Variants in MYOM2 observed in about 807,000 individuals in gnomAD.
MYOM2 encodes myomesin-2.
Under a neutral mutation model 187.6 loss-of-function variants are expected in MYOM2, and 254 were observed. The observed-to-expected ratio is 1.35, with a 90% CI of 1.22 to 1.50. The LOEUF (loss-of-function observed/expected upper bound fraction) is 1.50. Among genes scored for constraint, MYOM2 ranks in the 40% most tolerant of loss-of-function variants. The probability of loss-of-function intolerance (pLI) is 0.00; values close to 1 mark genes in which losing one functional copy is unlikely to be tolerated. For missense variants in MYOM2, 2,796 were observed against 1,924.0 expected (o/e 1.45, Z -8.48); for synonymous variants, 981 against 753.8 (o/e 1.30, Z -4.94).
rs76117196 is a variant in MYOM2, at chr8:2,088,362, G to A, written c.1645-1646G>A. Reference sequence around the variant, plus strand: ...GGGTATGTTGTGTGATACTGATTTCGAGGTGCAGTTGATCTCGTCACCCAG... The same window carrying A: ...GGGTATGTTGTGTGATACTGATTTCAAGGTGCAGTTGATCTCGTCACCCAG... On this transcript the variant is annotated intron_variant, in intron 14 of 36. Coordinates refer to ENST00000262113, the MANE Select transcript of MYOM2 (RefSeq NM_003970.4). Among the ~76,000 whole-genome samples, 229 of 152,316 alleles carry A rather than the reference G, an allele frequency of 1.5e-3. 2 individuals are homozygous for A. In the East Asian group the frequency reaches 0.021, roughly 14 times the overall value.
rs756133260 is a variant in MYOM2, at chr8:2,079,599, A to T, written c.1502A>T (p.Gln501Leu). The change falls in exon 13 of 37, where the codon CAG becomes CTG. Residue 501 changes from glutamine to leucine, a missense_variant. Coordinates refer to ENST00000262113, the MANE Select transcript of MYOM2 (RefSeq NM_003970.4). The stretch of plus-strand genomic sequence containing the variant: ...GGAGAGAAGGAGATTGCCATTTATC[A>T]GGATGACCTTGAAGGTAAGTAGCAC... Reference protein sequence around the residue: ...LEGEKEIAIYQDDLEGDAQVP... With the variant: ...LEGEKEIAIYLDDLEGDAQVP... 1 of 1,614,032 alleles carries T rather than the reference A, an allele frequency of 6.2e-7. No individual in the cohort carries two copies. Among genetic ancestry groups the T allele is most frequent in the African/African-American group, 1.3e-5 (1 of 74,926 alleles).
chr8:2,131,276 G>A lies in MYOM2; in HGVS notation c.3800+2044G>A, dbSNP rs993605280. Among the ~76,000 whole-genome samples the A allele has an allele frequency of 3.3e-5, 5 of 152,280 alleles. 1 individual carries two copies. The highest frequency in any genetic ancestry group is 9.6e-5 in the African/African-American group (4 of 41,542). ...ATCCTCACAAATACCCTGTGAGTTAGGTATTTATACCCACATTTTATAGAT... is the reference window on the plus strand; with the variant it reads ...ATCCTCACAAATACCCTGTGAGTTAAGTATTTATACCCACATTTTATAGAT... On this transcript the variant is annotated intron_variant, in intron 32 of 36. Coordinates refer to ENST00000262113, the MANE Select transcript of MYOM2 (RefSeq NM_003970.4).
At position 2,145,102 on chromosome 8, in the gene MYOM2, C is replaced by A. The variant is rs1585989932; in HGVS notation, c.*121C>A. 2.8e-6 allele frequency: 3 copies of A among 1,072,834 alleles called. No homozygotes were observed. Among genetic ancestry groups the A allele is most frequent in the Non-Finnish European group, 4.0e-6 (3 of 742,404 alleles). 66.5% of individuals were successfully genotyped at this position (1,072,834 alleles called of 1,614,324 possible). Reference sequence around the variant, plus strand: ...TCCTGTGTGGGCTGATAGTTGATCACACATTGTGCTTTTGATTTTTGCATT... The same window carrying A: ...TCCTGTGTGGGCTGATAGTTGATCAAACATTGTGCTTTTGATTTTTGCATT... On this transcript the variant is annotated 3_prime_UTR_variant, in exon 37 of 37. Transcript: ENST00000262113.
chr8:2,083,813 C>G (rs1322694488), intron 13 of MYOM2, among the ~76,000 whole-genome samples: 3 of 152,226 alleles, frequency 2.0e-5, no homozygotes, highest in Non-Finnish European at 4.4e-5. Context: ...AGTCAGATGT[C>G]TTGCCCCAGC....
chr8:2,119,764 C>T (rs1157113868), intron 28 of MYOM2, among the ~76,000 whole-genome samples: 1 of 151,942 alleles, frequency 6.6e-6, no homozygotes, highest in Non-Finnish European at 1.5e-5. Flanking sequence ...GGAAGGGGAG[C>T]ACATGGGGAC....
rs115757583 is a variant in MYOM2, at chr8:2,113,141, C to G, written c.3181-2819C>G. On this transcript the variant is annotated intron_variant, in intron 25 of 36. Coordinates refer to ENST00000262113, the MANE Select transcript of MYOM2 (RefSeq NM_003970.4). ...AACGCTGGGCACGAGGAAGCCGAGG[C>G]CGGGCATCCACACTCCCGTGATTCT... Among the ~76,000 whole-genome samples, 867 of 152,328 alleles carry G rather than the reference C, an allele frequency of 5.7e-3. 12 individuals are homozygous for G. Among genetic ancestry groups the G allele is most frequent in the African/African-American group, 0.019 (799 of 41,584 alleles).
chr8:2,139,551 A>G (rs1048444536), intron 32 of MYOM2, among the ~76,000 whole-genome samples: 3 of 152,198 alleles, frequency 2.0e-5, no homozygotes, highest in East Asian at 1.9e-4. Context: ...CCGATGGAAC[A>G]TAGGCATTCT....
chr8:2,106,675 T>C, intron 23 of MYOM2, 78 bp downstream of exon 23: 1 of 1,065,154 alleles, frequency 9.4e-7, no homozygotes, highest in Non-Finnish European at 1.3e-6. Flanking sequence ...TAGAAAAGAC[T>C]TACTTGCTTA....
intron 6 of MYOM2, among the ~76,000 whole-genome samples, chr8:2,062,205 C>T (rs1563421482): frequency 6.6e-6 from 1 of 152,154 alleles, no homozygotes. Flanking sequence ...CACGGGGACC[C>T]CGTGGGCCAT....
intron 32 of MYOM2, among the ~76,000 whole-genome samples, chr8:2,138,652 T>A (rs1798165994): frequency 6.6e-6 from 1 of 152,194 alleles, no homozygotes; most frequent in Admixed American, 6.5e-5. Context: ...ACGAACTCGC[T>A]CCCACATCGG....
chr8:2,069,759 C>G (rs1341167017), intron 8 of MYOM2, among the ~76,000 whole-genome samples: 1 of 152,150 alleles, frequency 6.6e-6, no homozygotes, highest in Non-Finnish European at 1.5e-5. Flanking sequence ...TGTTAGCATG[C>G]TGACAATTTG....
At chr8:2,063,958 C>T (rs1297745225) in intron 6 of MYOM2, among the ~76,000 whole-genome samples, 4 of 152,254 alleles carry the variant, frequency 2.6e-5, no homozygotes, top group Non-Finnish European at 5.9e-5. Context: ...CAAGTTCTCA[C>T]AGCATGAAGC....
chr8:2,066,953 A>G (rs1490895616), intron 6 of MYOM2, among the ~76,000 whole-genome samples: 2 of 152,194 alleles, frequency 1.3e-5, no homozygotes, highest in Non-Finnish European at 2.9e-5. Context: ...ACGGTGAACT[A>G]GAAGATAATG....
intron 14 of MYOM2, among the ~76,000 whole-genome samples, chr8:2,088,966 G>T (rs1796192040): frequency 6.6e-6 from 1 of 152,058 alleles, no homozygotes; most frequent in Non-Finnish European, 1.5e-5. Context: ...CTCGCTTGGG[G>T]TCGCAAGGGC....
At chr8:2,079,390 A>G (rs968988714) in intron 12 of MYOM2, among the ~76,000 whole-genome samples, 170 bp from the exon 13 acceptor site, 6 of 152,014 alleles carry the variant, frequency 3.9e-5, no homozygotes, top group Admixed American at 2.6e-4. Context: ...AGAGCTGAGA[A>G]GTGCTAACTG....
intron 19 of MYOM2, among the ~76,000 whole-genome samples, chr8:2,100,208 C>G (rs1796659672): frequency 6.6e-6 from 1 of 150,478 alleles, no homozygotes; most frequent in Admixed American, 6.6e-5. Context: ...CTCCCGCCTT[C>G]TTTCCTGCCT....
Position 2,085,438 on chromosome 8 carries a change from C to A in MYOM2, c.1644+48C>A, listed in dbSNP as rs374408141. ...GGAAAAGTAGATCTCTGCATGGCCC[C>A]CCACTGTCATGATCTCTGCGTGGCC... On this transcript the variant is annotated intron_variant, in intron 14 of 36. Transcript: ENST00000262113. 34 of 1,597,976 alleles carry A rather than the reference C, an allele frequency of 2.1e-5. 1 individual carries two copies. The highest frequency in any genetic ancestry group is 1.5e-4 in the African/African-American group (11 of 74,292).
chr8:2,111,806 C>G (rs1243654609), intron 25 of MYOM2, among the ~76,000 whole-genome samples: 2 of 152,216 alleles, frequency 1.3e-5, no homozygotes, highest in African/African-American at 2.4e-5. Flanking sequence ...TCATTCATTT[C>G]TGTCACTTTC....
chr8:2,088,646 C>G (rs1343111609), intron 14 of MYOM2, among the ~76,000 whole-genome samples: 1 of 152,216 alleles, frequency 6.6e-6, no homozygotes. Context: ...TGTGGGGGCA[C>G]CACATTTTCT....
Sources: allele counts gnomAD v4.1 joint callset (sites outside exome capture counted in the v4.1 genomes callset), GRCh38; gene constraint gnomAD v4.1.1; transcripts MANE v1.5; gene names NCBI Gene and HGNC (gene_info 2026-07-23, HGNC 2026-07-21).